Variants in PTPRD observed in about 807,000 individuals in gnomAD.
The protein encoded by PTPRD is receptor-type tyrosine-protein phosphatase delta.
PTPRD carries 34 observed loss-of-function variants against 214.5 expected under a neutral mutation model. That is an observed-to-expected ratio of 0.16 (90% CI 0.12 to 0.21). The LOEUF (loss-of-function observed/expected upper bound fraction) is 0.21. PTPRD is among the 10% of genes least tolerant of loss of function. The probability of loss-of-function intolerance (pLI) is 1.00; values close to 1 mark genes in which losing one functional copy is unlikely to be tolerated. For synonymous variants in PTPRD, 1,128 were observed against 845.7 expected (o/e 1.33, Z -5.79); for missense variants, 2,545 against 2,398.7 (o/e 1.06, Z -1.27).
chr9:8,646,278 T>C (rs746140600), intron 12 of PTPRD, among the ~76,000 whole-genome samples: 1 of 152,226 alleles, frequency 6.6e-6, no homozygotes, highest in African/African-American at 2.4e-5. Context: ...CACTTTACTA[T>C]GGATCCTTCT....
chr9:9,484,241 C>G (rs2095535454), intron 8 of PTPRD, among the ~76,000 whole-genome samples: 1 of 151,684 alleles, frequency 6.6e-6, no homozygotes, highest in Non-Finnish European at 1.5e-5. Context: ...ACCTTCTGGT[C>G]ATGTAAGTCA....
chr9:9,605,266 T>A (rs564638370), intron 7 of PTPRD, among the ~76,000 whole-genome samples: 1 of 152,166 alleles, frequency 6.6e-6, no homozygotes, highest in East Asian at 1.9e-4. Context: ...CTAATATGTA[T>A]AAAGCACTCT....
intron 14 of PTPRD, among the ~76,000 whole-genome samples, chr9:8,553,820 C>G (rs2082848923): frequency 6.6e-6 from 1 of 150,990 alleles, no homozygotes; most frequent in African/African-American, 2.5e-5. Context: ...TCTATCCTAA[C>G]TTAAGGAGAT....
intron 10 of PTPRD, among the ~76,000 whole-genome samples, chr9:9,040,918 A>G (rs968843589): frequency 6.6e-6 from 1 of 152,100 alleles, no homozygotes; most frequent in African/African-American, 2.4e-5. Context: ...AGCTTTTAGA[A>G]ACAGAACTGG....
chr9:9,325,407 T>C (rs758703771), intron 9 of PTPRD, among the ~76,000 whole-genome samples: 3 of 152,146 alleles, frequency 2.0e-5, no homozygotes, highest in Non-Finnish European at 4.4e-5. Context: ...AGGTCCTTCA[T>C]ATCCCTTGCA....
At chr9:10,343,915 T>C (rs1432137485) in intron 2 of PTPRD, among the ~76,000 whole-genome samples, 1 of 151,176 alleles carries the variant, frequency 6.6e-6, no homozygotes, top group Non-Finnish European at 1.5e-5. Context: ...TAGCTCTTTG[T>C]CAGATGGGTG....
chr9:8,317,624 G>A lies in PTPRD; in HGVS notation c.*250C>T. 1 of 358,358 alleles carries A rather than the reference G, an allele frequency of 2.8e-6. No homozygotes were observed. The highest frequency in any genetic ancestry group is 5.3e-6 in the Non-Finnish European group (1 of 190,264). 22.2% of individuals were successfully genotyped at this position (358,358 alleles called of 1,614,324 possible). A position where few individuals can be genotyped will look rare whatever the true frequency, so the allele number is the denominator to read the frequency against. Reference sequence around the variant, plus strand: ...TTGATTTTGAATCCTTGAGGTATCTGTAAATAAAATCCTTCAGATGCCTCA... The same window carrying A: ...TTGATTTTGAATCCTTGAGGTATCTATAAATAAAATCCTTCAGATGCCTCA... On this transcript the variant is annotated 3_prime_UTR_variant, in exon 46 of 46. Coordinates refer to ENST00000381196, the MANE Select transcript of PTPRD (RefSeq NM_002839.4).
At position 9,829,931 on chromosome 9, in the gene PTPRD, A is replaced by G. The variant is rs903490539; in HGVS notation, c.-367-63080T>C. On this transcript the variant is annotated intron_variant, in intron 5 of 45. Coordinates refer to ENST00000381196, the MANE Select transcript of PTPRD (RefSeq NM_002839.4). ...TAATCATAGAACTCATATTCATTTAACAAATTTTTACTGAGTGCTTACAAT... is the reference window on the plus strand; with the variant it reads ...TAATCATAGAACTCATATTCATTTAGCAAATTTTTACTGAGTGCTTACAAT... Among the ~76,000 whole-genome samples, 9 of 151,794 alleles carry G rather than the reference A, an allele frequency of 5.9e-5. No homozygotes were observed. In the East Asian group the frequency reaches 1.7e-3, roughly 29 times the overall value.
chr9:9,429,888 G>T (rs889203702), intron 8 of PTPRD, among the ~76,000 whole-genome samples: 2 of 152,140 alleles, frequency 1.3e-5, no homozygotes, highest in Non-Finnish European at 2.9e-5. Context: ...ATTAGGTATT[G>T]ATGGAATGTA....
chr9:9,603,490 C>T (rs1175188555), intron 7 of PTPRD, among the ~76,000 whole-genome samples: 1 of 152,134 alleles, frequency 6.6e-6, no homozygotes, highest in East Asian at 1.9e-4. Flanking sequence ...TGAACCAGTC[C>T]TTGGCCTGTC....
chr9:10,554,809 C>T (rs1009614264), intron 2 of PTPRD, among the ~76,000 whole-genome samples: 12 of 152,008 alleles, frequency 7.9e-5, no homozygotes, highest in African/African-American at 2.7e-4. Flanking sequence ...TACAGGCGCC[C>T]GCCACCACGC....
At chr9:9,082,471 T>C (rs191301058) in intron 10 of PTPRD, among the ~76,000 whole-genome samples, 68 of 151,570 alleles carry the variant, frequency 4.5e-4, no homozygotes, top group African/African-American at 1.6e-3. Context: ...ATAAGAGGTA[T>C]TTATGACAAA....
chr9:9,184,262 A>G (rs1317594784), intron 9 of PTPRD, among the ~76,000 whole-genome samples: 1 of 152,022 alleles, frequency 6.6e-6, no homozygotes, highest in Non-Finnish European at 1.5e-5. Context: ...GAAAATGGCT[A>G]ACTGTTCACC....
intron 33 of PTPRD, among the ~76,000 whole-genome samples, chr9:8,458,165 C>CATTT (rs2096270414): frequency 1.3e-5 from 2 of 152,128 alleles, no homozygotes; most frequent in African/African-American, 2.4e-5. Flanking sequence ...CACTAAAATG[C>CATTT]TACTCTATTT....
At chr9:9,789,796 CAAAAAAA>C (rs774579667) in intron 5 of PTPRD, among the ~76,000 whole-genome samples, 2 of 40,830 alleles carry the variant, frequency 4.9e-5, no homozygotes, top group East Asian at 1.3e-3. Flanking sequence ...AACTCTGTCT[CAAAAAAA>C]AAAAAAAAAA....
chr9:10,140,056 GA>G (rs1448231333), intron 3 of PTPRD, among the ~76,000 whole-genome samples: 3 of 152,092 alleles, frequency 2.0e-5, no homozygotes, highest in South Asian at 4.1e-4. Flanking sequence ...CTAAATTAAA[GA>G]GCTTCTTCTC....
At chr9:10,280,263 A>G (rs2095021738) in intron 3 of PTPRD, among the ~76,000 whole-genome samples, 1 of 152,078 alleles carries the variant, frequency 6.6e-6, no homozygotes, top group Admixed American at 6.5e-5. Context: ...ACTAGTAATC[A>G]ATTACCTGAG....
At chr9:10,270,911 G>A (rs1330037771) in intron 3 of PTPRD, among the ~76,000 whole-genome samples, 1 of 152,022 alleles carries the variant, frequency 6.6e-6, no homozygotes, top group East Asian at 1.9e-4. Context: ...GCTCACTGCA[G>A]TCTTGAACTC....
chr9:10,119,737 T>C (rs141874348), intron 3 of PTPRD, among the ~76,000 whole-genome samples: 379 of 152,136 alleles, frequency 2.5e-3, no homozygotes, highest in African/African-American at 8.3e-3. Context: ...AATCATCGTC[T>C]TCTGTTAGAA....
Sources: gnomAD v4.1 joint callset for allele counts (sites outside exome capture counted in the v4.1 genomes callset) on GRCh38, gnomAD v4.1.1 for gene constraint, MANE v1.5 for transcripts, NCBI Gene and HGNC (gene_info 2026-07-23, HGNC 2026-07-21) for gene names.